The following R3HCC1L variants were observed in gnomAD, a reference collection of about 807,000 sequenced individuals.
R3HCC1L encodes the protein coiled-coil domain-containing protein R3HCC1L.
R3HCC1L carries 51 observed loss-of-function variants against 59.9 expected under a neutral mutation model. The observed-to-expected ratio is 0.85, with a 90% CI of 0.68 to 1.07. The LOEUF (loss-of-function observed/expected upper bound fraction) is 1.07. R3HCC1L is among the 50% of genes least tolerant of loss of function. R3HCC1L has a pLI of 0.00. For synonymous variants in R3HCC1L, 322 were observed against 315.2 expected, an observed-to-expected ratio of 1.02 and a Z score of -0.23; for missense variants, 965 against 933.0, an observed-to-expected ratio of 1.03 and a Z score of -0.45.
chr10:98,185,936 G>A (rs139544591), intron 4 of R3HCC1L, among the ~76,000 whole-genome samples: 1 of 152,284 alleles, frequency 6.6e-6, no homozygotes, highest in African/African-American at 2.4e-5. Context: ...TGGAGTAGTA[G>A]CATTAGAGAT....
chr10:98,190,874 G>A (rs576578198), intron 4 of R3HCC1L, among the ~76,000 whole-genome samples: 8 of 139,732 alleles, frequency 5.7e-5, no homozygotes, highest in Middle Eastern at 3.9e-3. Context: ...TCATTGTTCA[G>A]TTCCTACCTA....
intron 6 of R3HCC1L, among the ~76,000 whole-genome samples, 166 bp from the exon 7 acceptor site, chr10:98,234,280 G>A (rs932991783): frequency 1.3e-5 from 2 of 152,122 alleles, no homozygotes; most frequent in African/African-American, 4.8e-5. Context: ...AAAATTCAAT[G>A]GCTTCTTCTG....
chr10:98,188,199 G>T (rs532196648), intron 4 of R3HCC1L, among the ~76,000 whole-genome samples: 1 of 152,268 alleles, frequency 6.6e-6, no homozygotes, highest in East Asian at 1.9e-4. Flanking sequence ...ATTGAATGCT[G>T]TATGTGCCAG....
chr10:98,166,170 C>G (rs908278084), intron 4 of R3HCC1L, among the ~76,000 whole-genome samples: 4 of 152,032 alleles, frequency 2.6e-5, no homozygotes, highest in African/African-American at 4.8e-5. Context: ...AACTCTGTCT[C>G]AAAAATCAAA....
chr10:98,217,156 C>G (rs917952266), intron 5 of R3HCC1L, among the ~76,000 whole-genome samples: 3 of 152,090 alleles, frequency 2.0e-5, no homozygotes, highest in Non-Finnish European at 2.9e-5. Flanking sequence ...AGTTTCAGGT[C>G]TTACGTTTAA....
intron 1 of R3HCC1L, among the ~76,000 whole-genome samples, chr10:98,147,214 GA>G (rs1276902718): frequency 6.6e-6 from 1 of 152,034 alleles, no homozygotes; most frequent in African/African-American, 2.4e-5. Flanking sequence ...GTCATCTTTT[GA>G]AACATCTATT....
At chr10:98,227,880 C>T (rs1314531283) in intron 5 of R3HCC1L, among the ~76,000 whole-genome samples, 1 of 152,186 alleles carries the variant, frequency 6.6e-6, no homozygotes, top group East Asian at 1.9e-4. Flanking sequence ...TGGTTTCCAG[C>T]TTCAACCATG....
intron 7 of R3HCC1L, among the ~76,000 whole-genome samples, chr10:98,234,954 A>T (rs888432970): frequency 6.6e-6 from 1 of 152,194 alleles, no homozygotes; most frequent in Non-Finnish European, 1.5e-5. Context: ...CTCATGATAG[A>T]TCTGATGCAG....
intron 4 of R3HCC1L, among the ~76,000 whole-genome samples, chr10:98,183,878 C>T (rs543725332): frequency 3.3e-5 from 5 of 151,148 alleles, no homozygotes; most frequent in South Asian, 2.1e-4. Flanking sequence ...GTATAAATTC[C>T]GTGTTTGATA....
chr10:98,176,915 T>A (rs1471325951), intron 4 of R3HCC1L, among the ~76,000 whole-genome samples: 3 of 152,116 alleles, frequency 2.0e-5, no homozygotes, highest in Non-Finnish European at 4.4e-5. Flanking sequence ...ACTGGATGGA[T>A]GTTGAATTTT....
At chr10:98,220,535 C>G (rs1425609543) in intron 5 of R3HCC1L, among the ~76,000 whole-genome samples, 3 of 116,306 alleles carry the variant, frequency 2.6e-5, no homozygotes, top group East Asian at 6.1e-4. Context: ...TCCCTCCCCC[C>G]ACCCCACAAC....
chr10:98,209,718 A>T lies in R3HCC1L; in HGVS notation c.1604A>T (p.Asp535Val), dbSNP rs34494334. 1.9e-6 allele frequency: 3 copies of T among 1,613,630 alleles called. No individual in the cohort carries two copies. The African/African-American group carries it at 4.0e-5, about 22-fold the overall frequency. The change falls in exon 5 of 10, where the codon GAC (aspartate) becomes GTC (valine). Residue 535 changes from aspartate (D) to valine (V), a missense_variant. Coordinates refer to ENST00000298999, the MANE Select transcript of R3HCC1L (RefSeq NM_001351015.2). Reference protein sequence around the residue: ...AEEFKTEEQDDSGSIEFGVSF... With the variant: ...AEEFKTEEQDVSGSIEFGVSF... ...GAGTTCAAAACAGAAGAGCAAGATG[A>T]CTCAGGGAGTATAGAATTTGGTGTA...
chr10:98,198,855 A>G (rs1590672159), intron 4 of R3HCC1L, among the ~76,000 whole-genome samples: 1 of 152,292 alleles, frequency 6.6e-6, no homozygotes, highest in East Asian at 1.9e-4. Context: ...ATCTTAGACC[A>G]GTGCTAACCC....
intron 2 of R3HCC1L, among the ~76,000 whole-genome samples, chr10:98,158,661 T>G (rs574705059): frequency 1.3e-5 from 2 of 152,206 alleles, no homozygotes; most frequent in Non-Finnish European, 2.9e-5. Flanking sequence ...GATTTAATAT[T>G]AATTAAGTAA....
At chr10:98,186,878 G>A (rs1363279872) in intron 4 of R3HCC1L, among the ~76,000 whole-genome samples, 4 of 152,104 alleles carry the variant, frequency 2.6e-5, no homozygotes, top group African/African-American at 9.7e-5. Flanking sequence ...CTGTGGGATA[G>A]AGTTGTGAGT....
chr10:98,229,046 A>G (rs1446536661), intron 5 of R3HCC1L, among the ~76,000 whole-genome samples: 1 of 152,132 alleles, frequency 6.6e-6, no homozygotes, highest in African/African-American at 2.4e-5. Context: ...CTTTTGGCTT[A>G]GGATTGACTT....
intron 1 of R3HCC1L, among the ~76,000 whole-genome samples, chr10:98,146,527 C>T (rs1845677219): frequency 6.6e-6 from 1 of 152,176 alleles, no homozygotes. Context: ...AAGAGATCCA[C>T]TTTTCAGATC....
chr10:98,236,994 A>C (rs1857035871), intron 9 of R3HCC1L, among the ~76,000 whole-genome samples: 1 of 152,208 alleles, frequency 6.6e-6, no homozygotes, highest in Non-Finnish European at 1.5e-5. Context: ...TTGAAGTTTC[A>C]AACTCCTTGT....
rs2133889151 is a variant in R3HCC1L, at chr10:98,142,858, C to G, written c.-268+8152C>G. On this transcript the variant is annotated intron_variant, in intron 1 of 9. Transcript: ENST00000298999. ...GCTGAGGCAGGAGAATCGTTTGAAC[C>G]TGGGAGGCAGAGATTATAGTGAGCT... 1.3e-5 allele frequency among the ~76,000 whole-genome samples: 2 copies of G among 152,114 alleles called. 1 individual carries two copies.
Sources: gnomAD v4.1 joint callset for allele counts (sites outside exome capture counted in the v4.1 genomes callset) on GRCh38, gnomAD v4.1.1 for gene constraint, MANE v1.5 for transcripts, NCBI Gene and HGNC (gene_info 2026-07-23, HGNC 2026-07-21) for gene names.